GUCY2C: variants seen among roughly 807,000 people sequenced by gnomAD.
GUCY2C encodes guanylyl cyclase C.
A neutral mutation model predicts 131.1 loss-of-function variants in GUCY2C; 118 were observed. The observed-to-expected ratio is 0.90, with a 90% CI of 0.78 to 1.05. GUCY2C has a LOEUF of 1.05. Among genes scored for constraint, GUCY2C ranks in the 50% least tolerant of loss-of-function variants. The pLI, the probability that GUCY2C is intolerant of heterozygous loss-of-function variation, is 0.00. For synonymous variants in GUCY2C, 452 were observed against 457.8 expected (o/e 0.99, Z 0.16); for missense variants, 1,161 against 1,304.4 (o/e 0.89, Z 1.69).
intron 8 of GUCY2C, 100 bp downstream of exon 8, chr12:14,674,525 G>T: frequency 1.1e-6 from 1 of 944,598 alleles, no homozygotes; most frequent in Non-Finnish European, 1.6e-6. Flanking sequence ...GGATTTAGCT[G>T]TGGAATCATC....
Position 14,687,950 on chromosome 12 carries a change from CT to C in GUCY2C, c.330del (p.Asn111MetfsTer10), listed in dbSNP as rs1565637076. 6.4e-7 allele frequency: 1 copy of C among 1,572,996 alleles called. No homozygotes were observed. Among genetic ancestry groups the C allele is most frequent in the Admixed American group, 1.7e-5 (1 of 59,966 alleles). Reference protein sequence around the residue: ...CEGLDLLRKISNAQRMGCVLI... With the variant: ...CEGLDLLRKIXNAQRMGCVLI... ...CTGCATCCACAAAAGCAAATACTTA[CT>C]GAAATTTTCCTGAGTAGGTCGAGGC... is the stretch of plus-strand genomic sequence containing the variant. On this transcript the variant is annotated frameshift_variant and splice_region_variant, in exon 2 of 27. Coordinates refer to ENST00000261170, the MANE Select transcript of GUCY2C (RefSeq NM_004963.4). LOFTEE classifies it high-confidence loss of function.
At chr12:14,643,503 C>T in intron 17 of GUCY2C, 71 bp downstream of exon 17, 1 of 1,421,932 alleles carries the variant, frequency 7.0e-7, no homozygotes, top group South Asian at 1.2e-5. Flanking sequence ...ATTACAATTT[C>T]CTGACCACGC....
At chr12:14,620,961 A>T in intron 23 of GUCY2C, 81 bp downstream of exon 23, 1 of 1,112,534 alleles carries the variant, frequency 9.0e-7, no homozygotes, top group Non-Finnish European at 1.3e-6. Context: ...ATCACACTTG[A>T]AGACCTTTTA....
In GUCY2C at chr12:14,676,937, CA is replaced by C. The variant is rs763081395; in HGVS notation, c.864del (p.Asp289ThrfsTer3). On this transcript the variant is annotated frameshift_variant, in exon 7 of 27. Coordinates refer to ENST00000261170, the MANE Select transcript of GUCY2C (RefSeq NM_004963.4). LOFTEE classifies it high-confidence loss of function. ...DQYFEDNVTAPDYMKNVLVLT... is the reference protein window; with the variant it reads ...DQYFEDNVTAXDYMKNVLVLT... ...AGAACAAGGACATTTTTCATATAGT[CA>C]GGGGCTGTGACATTGTCCTCAAAGT... The C allele has an allele frequency of 5.1e-6, 8 of 1,560,902 alleles. No homozygotes were observed. Among genetic ancestry groups the C allele is most frequent in the Non-Finnish European group, 7.0e-6 (8 of 1,142,010 alleles).
intron 20 of GUCY2C, 113 bp from the exon 21 acceptor site, chr12:14,626,028 C>G: frequency 1.4e-6 from 1 of 702,434 alleles, no homozygotes; most frequent in Non-Finnish European, 2.3e-6. Context: ...AAAATAAAAG[C>G]CAACAAACAT....
intron 19 of GUCY2C, among the ~76,000 whole-genome samples, chr12:14,638,355 C>A (rs1309656182): frequency 6.6e-6 from 1 of 152,200 alleles, no homozygotes; most frequent in Non-Finnish European, 1.5e-5. Context: ...ATCCACCAAT[C>A]CCCCTGCTGA....
At position 14,643,617 on chromosome 12, in the gene GUCY2C, C is replaced by G. The variant is rs1947453793; in HGVS notation, c.1887G>C (p.Lys629Asn). 7 of 1,613,718 alleles carry G rather than the reference C, an allele frequency of 4.3e-6. No individual in the cohort carries two copies. In the South Asian group the frequency reaches 7.7e-5, roughly 18 times the overall value. ...TGGAATTGCAGCCAAAATCAGTGAT[C>G]TTCACCACCATTCTACTGTCCACTA... ...NCVVDSRMVV[K>N]ITDFGCNSIL... Residue 629 changes from lysine (K) to asparagine (N), a missense_variant, in exon 17 of 27, where the codon AAG (lysine) becomes AAC (asparagine). Coordinates refer to ENST00000261170, the MANE Select transcript of GUCY2C (RefSeq NM_004963.4).
At chr12:14,614,766 T>C in intron 26 of GUCY2C, 101 bp downstream of exon 26, 1 of 681,456 alleles carries the variant, frequency 1.5e-6, no homozygotes, top group Non-Finnish European at 2.6e-6. Flanking sequence ...TCTTATGCAA[T>C]ATATGCCACT....
chr12:14,664,459 T>G (rs1371787203), intron 10 of GUCY2C, among the ~76,000 whole-genome samples: 1 of 152,022 alleles, frequency 6.6e-6, no homozygotes, highest in Non-Finnish European at 1.5e-5. Context: ...TCCTACAGTA[T>G]GAACATCTCA....
intron 1 of GUCY2C, among the ~76,000 whole-genome samples, chr12:14,695,261 T>A (rs906553267): frequency 2.6e-5 from 4 of 152,110 alleles, no homozygotes; most frequent in Non-Finnish European, 4.4e-5. Flanking sequence ...CATGGCTGCT[T>A]TTTTTCCCCC....
In GUCY2C at chr12:14,661,039, C is replaced by G. The variant is rs753982693; in HGVS notation, c.1306G>C (p.Val436Leu). The stretch of plus-strand genomic sequence containing the variant: ...ACCACAGCTCCAGTGAGGGTGAAGA[C>G]TGCAATCATCAGGATCTGAGGGCCT... ...GRGPQILMIA[V>L]FTLTGAVVLL... Residue 436 changes from valine to leucine, a missense_variant, in exon 11 of 27, where the codon GTC becomes CTC. Physicochemically the swap from Val to Leu is conservative, Grantham distance 32. Coordinates refer to ENST00000261170, the MANE Select transcript of GUCY2C (RefSeq NM_004963.4). 3.8e-5 allele frequency: 62 copies of G among 1,612,722 alleles called. No homozygotes were observed. The highest frequency in any genetic ancestry group is 5.9e-6 in the Non-Finnish European group (7 of 1,178,898).
rs758630606 is a variant in GUCY2C, at chr12:14,613,338, A to G, written c.3048-47T>C. ...AAAATAGAACTTCTCAGCAATTCATACAGAATATTCCTTAGCTCCAGAATA... is the reference window on the plus strand; with the variant it reads ...AAAATAGAACTTCTCAGCAATTCATGCAGAATATTCCTTAGCTCCAGAATA... On this transcript the variant is annotated intron_variant, in intron 26 of 26. Coordinates refer to ENST00000261170, the MANE Select transcript of GUCY2C (RefSeq NM_004963.4). This position sits in a 1 kb window ranked among gnomAD's most constrained non-coding sequence, Gnocchi z 4.9. 2.2e-6 allele frequency: 3 copies of G among 1,387,262 alleles called. No individual in the cohort carries two copies. The highest frequency in any genetic ancestry group is 2.3e-5 in the East Asian group (1 of 43,862). 85.9% of individuals were successfully genotyped at this position (1,387,262 alleles called of 1,614,324 possible). A position where few individuals can be genotyped will look rare whatever the true frequency, so the allele number is the denominator to read the frequency against.
At chr12:14,651,334 C>T (rs1400074713) in intron 15 of GUCY2C, 73 bp downstream of exon 15, 15 of 769,106 alleles carry the variant, frequency 2.0e-5, no homozygotes, top group Admixed American at 4.5e-5. Flanking sequence ...TTATTTTACT[C>T]GGTAAATATT....
At position 14,613,394 on chromosome 12, in the gene GUCY2C, T is replaced by C. The variant is rs576331317; in HGVS notation, c.3048-103A>G. 9.6e-5 allele frequency: 81 copies of C among 846,492 alleles called. No individual in the cohort carries two copies. The highest frequency in any genetic ancestry group is 6.8e-4 in the Middle Eastern group (3 of 4,410). 52.4% of individuals were successfully genotyped at this position (846,492 alleles called of 1,614,324 possible). A position where few individuals can be genotyped will look rare whatever the true frequency, so the allele number is the denominator to read the frequency against. On this transcript the variant is annotated intron_variant, in intron 26 of 26. Transcript: ENST00000261170. The surrounding 1 kb of genome is among the most constrained non-coding windows in gnomAD (Gnocchi z 4.9). ...TTCAGTTAGTCAGTTACTCTTTGAATGCCTATTCTGTGCTAGACACAGGAA... is the reference window on the plus strand; with the variant it reads ...TTCAGTTAGTCAGTTACTCTTTGAACGCCTATTCTGTGCTAGACACAGGAA...
intron 2 of GUCY2C, among the ~76,000 whole-genome samples, chr12:14,687,173 G>T (rs985592360): frequency 2.0e-5 from 3 of 152,114 alleles, no homozygotes; most frequent in Non-Finnish European, 4.4e-5. Context: ...CAGATTCAAC[G>T]CTTAAGCAAT....
At position 14,623,433 on chromosome 12, in the gene GUCY2C, C is replaced by T. The variant is rs113024832; in HGVS notation, c.2409-1236G>A. ...GACAAAACTTGGAACCTTTGAAAAA[C>T]ATTCCTTTGGTGTGGCTTGGATTCC... On this transcript the variant is annotated intron_variant, in intron 21 of 26. Coordinates refer to ENST00000261170, the MANE Select transcript of GUCY2C (RefSeq NM_004963.4). Among the ~76,000 whole-genome samples the T allele has an allele frequency of 4.8e-3, 727 of 152,324 alleles. 7 individuals carry two copies. Among genetic ancestry groups the T allele is most frequent in the African/African-American group, 0.017 (690 of 41,580 alleles).
chr12:14,675,161 A>G (rs989043294), intron 7 of GUCY2C, among the ~76,000 whole-genome samples: 11 of 148,176 alleles, frequency 7.4e-5, no homozygotes, highest in African/African-American at 2.2e-4. Flanking sequence ...CAGTGAGCCA[A>G]GATTCCACTG....
intron 10 of GUCY2C, among the ~76,000 whole-genome samples, chr12:14,661,368 TTGG>T (rs1947863513): frequency 6.6e-6 from 1 of 152,128 alleles, no homozygotes; most frequent in Non-Finnish European, 1.5e-5. Context: ...TACAAAAAAG[TTGG>T]TGGTAGAAGT....
chr12:14,652,918 C>G, intron 13 of GUCY2C, 34 bp downstream of exon 13: 1 of 1,425,922 alleles, frequency 7.0e-7, no homozygotes, highest in Non-Finnish European at 9.9e-7. Flanking sequence ...AGAGCATACC[C>G]CAGTGGAGAG....
Sources: gnomAD v4.1 joint callset for allele counts (sites outside exome capture counted in the v4.1 genomes callset) on GRCh38, gnomAD v4.1.1 for gene constraint, Gnocchi (gnomAD v3.1) non-coding constraint, MANE v1.5 for transcripts, NCBI Gene and HGNC (gene_info 2026-07-23, HGNC 2026-07-21) for gene names.